The following COMMD1 variants were observed in gnomAD, a reference collection of about 807,000 sequenced individuals.
COMMD1 encodes the protein copper metabolism domain containing 1.
Under a neutral mutation model 17.2 loss-of-function variants are expected in COMMD1, and 10 were observed. The observed-to-expected ratio is 0.58, with a 90% CI of 0.36 to 0.99. The LOEUF is 0.99. Ranked by LOEUF, COMMD1 falls within the 50% of genes least tolerant of loss-of-function variation. COMMD1 has a pLI of 0.01. For synonymous variants in COMMD1, 97 were observed against 91.6 expected, an observed-to-expected ratio of 1.06 and a Z score of -0.34; for missense variants, 270 against 231.8, an observed-to-expected ratio of 1.17 and a Z score of -1.07.
intron 2 of COMMD1, among the ~76,000 whole-genome samples, chr2:62,073,605 A>C (rs1009211825): frequency 6.6e-6 from 1 of 152,178 alleles, no homozygotes. Flanking sequence ...CTTAAAACCA[A>C]ACTGTAACCT....
At chr2:62,092,489 T>C (rs1461799507) in intron 2 of COMMD1, among the ~76,000 whole-genome samples, 2 of 152,166 alleles carry the variant, frequency 1.3e-5, no homozygotes. Context: ...GTGCTTGTTT[T>C]AGGAGTGAAA....
chr2:62,113,654 G>T (rs554135602), intron 2 of COMMD1, among the ~76,000 whole-genome samples: 2 of 152,274 alleles, frequency 1.3e-5, no homozygotes, highest in South Asian at 4.1e-4. Flanking sequence ...AAAGTGCTGG[G>T]ATTACAGGCA....
chr2:62,127,327 A>G (rs566584248), intron 2 of COMMD1, among the ~76,000 whole-genome samples: 1 of 152,348 alleles, frequency 6.6e-6, no homozygotes. Flanking sequence ...ATTCAGTGCT[A>G]TTGCTGTTAA....
At chr2:62,010,308 C>CT (rs1669244204) in intron 2 of COMMD1, among the ~76,000 whole-genome samples, 1 of 149,094 alleles carries the variant, frequency 6.7e-6, no homozygotes, top group East Asian at 2.0e-4. Context: ...TTTTTTTTTT[C>CT]TTTTAAAATC....
chr2:61,994,394 T>C (rs752516660), intron 1 of COMMD1, among the ~76,000 whole-genome samples: 1 of 152,354 alleles, frequency 6.6e-6, no homozygotes, highest in South Asian at 2.1e-4. Flanking sequence ...ATCTTTAATG[T>C]ACCAGAAAGT....
At chr2:62,134,067 G>C (rs990807357) in intron 2 of COMMD1, among the ~76,000 whole-genome samples, 2 of 152,150 alleles carry the variant, frequency 1.3e-5, no homozygotes, top group Non-Finnish European at 2.9e-5. Context: ...CTCCCAAAAT[G>C]CTGGGGTTAC....
In COMMD1 at chr2:62,073,840, A is replaced by T. The variant is rs368744600; in HGVS notation, c.463-61991A>T. On this transcript the variant is annotated intron_variant, in intron 2 of 2. Transcript: ENST00000311832. ...CAGCCTCCGAAGTAGCTGGCATCACAGGTGCCGCCACCATGCTTGGCTAAT... is the reference window on the plus strand; with the variant it reads ...CAGCCTCCGAAGTAGCTGGCATCACTGGTGCCGCCACCATGCTTGGCTAAT... Among the ~76,000 whole-genome samples, 215 of 152,252 alleles carry T rather than the reference A, an allele frequency of 1.4e-3. 4 individuals are homozygous for T. In the South Asian group the frequency reaches 0.043, roughly 30 times the overall value.
intron 2 of COMMD1, among the ~76,000 whole-genome samples, chr2:62,018,047 CAAA>C (rs111400389): frequency 7.6e-6 from 1 of 132,374 alleles, no homozygotes; most frequent in Admixed American, 7.7e-5. Flanking sequence ...TGACCTATCT[CAAA>C]AAAAAAAAAA....
intron 1 of COMMD1, among the ~76,000 whole-genome samples, chr2:61,988,909 G>C (rs2103773459): frequency 6.6e-6 from 1 of 152,252 alleles, no homozygotes; most frequent in Middle Eastern, 3.4e-3. Context: ...GCTGAGTTCT[G>C]CCTGGTGTTG....
upstream of COMMD1, chr2:61,888,715 G>C (rs1273075212): frequency 8.6e-6 from 5 of 579,862 alleles, no homozygotes; most frequent in Admixed American, 1.0e-4. Flanking sequence ...CTGCGCGCCG[G>C]GCGAGGAGGA....
chr2:62,083,269 G>GA (rs34970249), intron 2 of COMMD1, among the ~76,000 whole-genome samples: 21,026 of 143,296 alleles, frequency 0.15, 3,744 homozygotes, highest in African/African-American at 0.42. Flanking sequence ...TCTCAATTGA[G>GA]AAAAAAAAAA....
At chr2:61,915,741 C>A in intron 1 of COMMD1, 1 of 452,140 alleles carries the variant, frequency 2.2e-6, no homozygotes, top group Non-Finnish European at 4.5e-6. Context: ...AAGCAACCCT[C>A]TCTCTTTAGC....
At chr2:61,969,783 A>T (rs954725274) in intron 1 of COMMD1, among the ~76,000 whole-genome samples, 7 of 152,166 alleles carry the variant, frequency 4.6e-5, no homozygotes, top group African/African-American at 1.7e-4. Flanking sequence ...TTTATGTCTC[A>T]GGTATTGTAG....
intron 1 of COMMD1, among the ~76,000 whole-genome samples, chr2:61,977,874 G>A (rs555969324): frequency 9.9e-5 from 15 of 151,434 alleles, no homozygotes; most frequent in South Asian, 2.1e-4. Flanking sequence ...CTGTAATCCC[G>A]GCTACTAAGG....
At chr2:61,899,954 G>A (rs1391861996) in intron 1 of COMMD1, among the ~76,000 whole-genome samples, 1 of 152,192 alleles carries the variant, frequency 6.6e-6, no homozygotes, top group Non-Finnish European at 1.5e-5. Context: ...TCACAGGTGT[G>A]AGCCACCGCG....
intron 1 of COMMD1, among the ~76,000 whole-genome samples, chr2:61,906,976 A>T (rs190617417): frequency 6.6e-6 from 1 of 152,368 alleles, no homozygotes; most frequent in Admixed American, 6.5e-5. Context: ...GCAAATGAAA[A>T]CAAATATTTC....
At position 62,000,927 on chromosome 2, in the gene COMMD1, C is replaced by G. The variant is rs1468234104; in HGVS notation, c.407C>G (p.Ala136Gly). The change falls in exon 2 of 3, where the codon GCT becomes GGT. Residue 136 changes from alanine to glycine, a missense_variant. Ala to Gly is a moderately conservative substitution (Grantham distance 60). Transcript: ENST00000311832. ...GGCAAGTCTCAGTCAAGGCACTCAGCTCAAATACACACACCTGTTGCCATT... is the reference window on the plus strand; with the variant it reads ...GGCAAGTCTCAGTCAAGGCACTCAGGTCAAATACACACACCTGTTGCCATT... ...VDGKSQSRHS[A>G]QIHTPVAIIE... 2 of 1,613,992 alleles carry G rather than the reference C, an allele frequency of 1.2e-6. No individual in the cohort carries two copies. Among genetic ancestry groups the G allele is most frequent in the Non-Finnish European group, 1.7e-6 (2 of 1,180,034 alleles).
chr2:62,010,830 C>T (rs1245602732), intron 2 of COMMD1, among the ~76,000 whole-genome samples: 2 of 152,190 alleles, frequency 1.3e-5, no homozygotes, highest in East Asian at 1.9e-4. Context: ...TCCTCCTAAC[C>T]GATGTCTCTG....
intron 2 of COMMD1, among the ~76,000 whole-genome samples, chr2:62,045,487 C>T (rs370143544): frequency 5.3e-5 from 8 of 151,554 alleles, no homozygotes; most frequent in East Asian, 3.9e-4. Flanking sequence ...CTTACAAAGG[C>T]GGTTTTTGGT....
Sources: allele counts gnomAD v4.1 joint callset (sites outside exome capture counted in the v4.1 genomes callset), GRCh38; gene constraint gnomAD v4.1.1; transcripts MANE v1.5; gene names NCBI Gene and HGNC (gene_info 2026-07-23, HGNC 2026-07-21).